The following MESD variants were observed in gnomAD, a reference collection of about 807,000 sequenced individuals.
The protein encoded by MESD is LRP chaperone MESD.
MESD carries 7 observed loss-of-function variants against 12.9 expected under a neutral mutation model. That is an observed-to-expected ratio of 0.54 (90% CI 0.31 to 1.02). The LOEUF (loss-of-function observed/expected upper bound fraction) is 1.02, where lower values mean the gene tolerates loss of function less well. Ranked by LOEUF, MESD falls within the 50% of genes least tolerant of loss-of-function variation. The probability of loss-of-function intolerance (pLI) is 0.05; values close to 1 mark genes in which losing one functional copy is unlikely to be tolerated. For synonymous variants in MESD, 126 were observed against 115.6 expected (o/e 1.09, Z -0.58); for missense variants, 342 against 296.7 (o/e 1.15, Z -1.12).
Position 80,982,026 on chromosome 15 carries a change from G to A in MESD, c.370C>T (p.Pro124Ser). The change falls in exon 2 of 3, where the codon CCT becomes TCT. Residue 124 changes from proline (P) to serine (S), a missense_variant. Pro to Ser is a moderately conservative substitution (Grantham distance 74, BLOSUM62 -1). Coordinates refer to ENST00000261758, the MANE Select transcript of MESD (RefSeq NM_015154.3). ...ATTTCCTCTGTCTCCTTCTCAGTAG[G>A]GCTTCCTGATACAGTGACAAACATC... ...LMMFVTVSGSPTEKETEEITS... is the reference protein window; with the variant it reads ...LMMFVTVSGSSTEKETEEITS... The A allele has an allele frequency of 6.2e-7, 1 of 1,614,070 alleles. No individual in the cohort carries two copies.
intron 1 of MESD, 33 bp downstream of exon 1, chr15:80,989,543 AGAG>A (rs1246426166): frequency 1.9e-6 from 3 of 1,599,474 alleles, no homozygotes; most frequent in African/African-American, 1.3e-5. Context: ...GGTCCCGCAC[AGAG>A]AAGAGCCGGG....
downstream of MESD, among the ~76,000 whole-genome samples, chr15:80,972,650 G>C (rs921400742): frequency 3.3e-5 from 5 of 152,318 alleles, no homozygotes; most frequent in Admixed American, 2.6e-4. Context: ...CTGTTAAGTA[G>C]AATTATGGCA....
At chr15:80,958,787 T>C (rs1234353816) in intron 3 of MESD, among the ~76,000 whole-genome samples, 1 of 152,202 alleles carries the variant, frequency 6.6e-6, no homozygotes, top group African/African-American at 2.4e-5. Flanking sequence ...GGGAGCAGGA[T>C]TGTCTTTTCA....
intron 2 of MESD, among the ~76,000 whole-genome samples, chr15:80,981,220 G>A (rs1020073295): frequency 4.0e-5 from 6 of 150,462 alleles, no homozygotes; most frequent in Admixed American, 1.3e-4. Context: ...GGCAGATCAC[G>A]AGGTCAGGAG....
At chr15:80,982,268 G>T (rs1902602868) in intron 1 of MESD, 86 bp from the exon 2 acceptor site, 3 of 1,014,942 alleles carry the variant, frequency 3.0e-6, no homozygotes, top group Non-Finnish European at 4.5e-6. Context: ...CATGATGTCA[G>T]GTGCATGTAT....
rs578087591 is a variant in MESD, at chr15:80,962,968, A to G, written c.*289-10672T>C. Among the ~76,000 whole-genome samples, 5 of 152,324 alleles carry G rather than the reference A, an allele frequency of 3.3e-5. No homozygotes were observed. The East Asian group carries it at 9.6e-4, about 29-fold the overall frequency. Reference sequence around the variant, plus strand: ...AAACATTCAAAAGCTAGCAGAAAACAAGAAATAACTAAGATCAGAGCAGAA... The same window carrying G: ...AAACATTCAAAAGCTAGCAGAAAACGAGAAATAACTAAGATCAGAGCAGAA... On this transcript the variant is annotated intron_variant, in intron 3 of 4. Coordinates refer to the MESD transcript ENST00000561312.
At chr15:80,983,894 C>CTTTT (rs10570822) in intron 1 of MESD, among the ~76,000 whole-genome samples, 1,739 of 88,468 alleles carry the variant, frequency 0.02, 123 homozygotes, top group African/African-American at 0.037. Flanking sequence ...AAAACAGTAA[C>CTTTT]TTTTTTTTTT....
At chr15:80,954,024 C>A (rs1033781726) in intron 3 of MESD, among the ~76,000 whole-genome samples, 2 of 152,128 alleles carry the variant, frequency 1.3e-5, no homozygotes, top group East Asian at 1.9e-4. Context: ...AATCCTCATC[C>A]CCTCCCACTG....
chr15:80,977,952 T>C lies in MESD; in HGVS notation c.*1267A>G, dbSNP rs1479384651. The C allele has an allele frequency of 6.6e-6, 1 of 152,208 alleles. No individual in the cohort carries two copies. Among genetic ancestry groups the C allele is most frequent in the African/African-American group, 2.4e-5 (1 of 41,440 alleles). 9.4% of individuals were successfully genotyped at this position (152,208 alleles called of 1,614,324 possible). A position where few individuals can be genotyped will look rare whatever the true frequency, so the allele number is the denominator to read the frequency against. ...AGAACTGAGAATGCAGAGGGTGTGG[T>C]TCTTTCGAGGGAAATGTGAGCAGCT... is the stretch of plus-strand genomic sequence containing the variant. On this transcript the variant is annotated 3_prime_UTR_variant, in exon 3 of 3. Coordinates refer to ENST00000261758, the MANE Select transcript of MESD (RefSeq NM_015154.3).
exon 4 of MESD, chr15:80,952,254 A>C: frequency 2.2e-6 from 1 of 456,218 alleles, no homozygotes; most frequent in Non-Finnish European, 4.4e-6. Context: ...AGGCAGGCAC[A>C]GGTAGAGGGC....
At chr15:80,963,641 C>T (rs762904583) in intron 3 of MESD, among the ~76,000 whole-genome samples, 3 of 152,146 alleles carry the variant, frequency 2.0e-5, no homozygotes, top group Admixed American at 6.6e-5. Flanking sequence ...ACGATCAAGT[C>T]GGCTTCATCC....
chr15:80,946,674 C>T, downstream of MESD: 1 of 434,042 alleles, frequency 2.3e-6, no homozygotes, highest in South Asian at 2.1e-5. Flanking sequence ...TACATCCTCT[C>T]CTCTGTTTGG....
At chr15:80,983,402 G>A (rs1323422040) in intron 1 of MESD, among the ~76,000 whole-genome samples, 1 of 152,146 alleles carries the variant, frequency 6.6e-6, no homozygotes, top group Non-Finnish European at 1.5e-5. Context: ...TAGCAATTCT[G>A]AGACTATCTT....
chr15:80,979,574 C>A, intron 2 of MESD, 97 bp from the exon 3 acceptor site: 1 of 1,398,974 alleles, frequency 7.1e-7, no homozygotes, highest in Non-Finnish European at 9.6e-7. Flanking sequence ...ATTTCAAATT[C>A]TACATGAATA....
intron 3 of MESD, among the ~76,000 whole-genome samples, chr15:80,961,371 T>C (rs1902085629): frequency 6.6e-6 from 1 of 151,674 alleles, no homozygotes. Flanking sequence ...AAAAGATATA[T>C]TCAAAAACTA....
intron 3 of MESD, chr15:80,952,433 A>G: frequency 3.5e-6 from 1 of 287,250 alleles, no homozygotes; most frequent in Non-Finnish European, 6.9e-6. Context: ...TGCAATTAAA[A>G]ATGCAGTTCC....
intron 3 of MESD, among the ~76,000 whole-genome samples, chr15:80,957,614 A>ACAC (rs2141786688): frequency 6.6e-6 from 1 of 152,144 alleles, no homozygotes; most frequent in East Asian, 1.9e-4. Context: ...ACACACACAC[A>ACAC]CACACACACG....
rs763568954 is a variant in MESD, at chr15:80,948,931, C to G, written c.*627-33G>C. 4 of 1,614,224 alleles carry G rather than the reference C, an allele frequency of 2.5e-6. No individual in the cohort carries two copies. The Admixed American group carries it at 6.7e-5, about 27-fold the overall frequency. On this transcript the variant is annotated intron_variant, in intron 4 of 4. Coordinates refer to the MESD transcript ENST00000561312. ...GAAGAAGAAGAAGTTGTGAGGACAG[C>G]TGCCGCCCGGTGCCACCTCGTGGTA...
chr15:80,985,195 C>T (rs1902695314), intron 1 of MESD, among the ~76,000 whole-genome samples: 1 of 152,254 alleles, frequency 6.6e-6, no homozygotes, highest in South Asian at 2.1e-4. Context: ...ATGGGCTGTG[C>T]TGTCAGACGG....
Sources: allele counts gnomAD v4.1 joint callset (sites outside exome capture counted in the v4.1 genomes callset), GRCh38; gene constraint gnomAD v4.1.1; transcripts MANE v1.5; gene names NCBI Gene and HGNC (gene_info 2026-07-23, HGNC 2026-07-21).